GEN1: variants seen among roughly 807,000 people sequenced by gnomAD.
GEN1 encodes flap endonuclease GEN homolog 1.
Under a neutral mutation model 67.6 loss-of-function variants are expected in GEN1, and 64 were observed. The observed-to-expected ratio is 0.95, with a 90% CI of 0.77 to 1.17. The LOEUF is 1.17. Among genes scored for constraint, GEN1 ranks in the 50% most tolerant of loss-of-function variants. The pLI, the probability that GEN1 is intolerant of heterozygous loss-of-function variation, is 0.00. For missense variants in GEN1, 1,058 were observed against 1,048.3 expected, an observed-to-expected ratio of 1.01 and a Z score of -0.13; for synonymous variants, 371 against 359.4, an observed-to-expected ratio of 1.03 and a Z score of -0.37.
Position 17,774,324 on chromosome 2 carries a change from G to C in GEN1, c.1125G>C (p.Leu375Phe), listed in dbSNP as rs1484399978. The C allele has an allele frequency of 6.2e-7, 1 of 1,601,450 alleles. No homozygotes were observed. The highest frequency in any genetic ancestry group is 8.5e-7 in the Non-Finnish European group (1 of 1,170,442). The change falls in exon 11 of 14, where the codon TTG becomes TTC. Residue 375 changes from leucine (L) to phenylalanine (F), a missense_variant. By Grantham distance (22) the Leu-to-Phe change is conservative. Coordinates refer to ENST00000381254, the MANE Select transcript of GEN1 (RefSeq NM_001130009.3). ...CCAATCACTATGCATGTGAGAAATT[G>C]CTGGTACTTTTGACCCATTATGACA... ...EWPNHYACEK[L>F]LVLLTHYDMI...
At chr2:17,767,627 A>G (rs1172084236) in intron 5 of GEN1, among the ~76,000 whole-genome samples, 1 of 152,242 alleles carries the variant, frequency 6.6e-6, no homozygotes, top group Non-Finnish European at 1.5e-5. Context: ...AAATAAAATT[A>G]TATCATAATT....
chr2:17,779,004 A>G (rs1672690254), intron 12 of GEN1, among the ~76,000 whole-genome samples: 1 of 152,224 alleles, frequency 6.6e-6, no homozygotes, highest in African/African-American at 2.4e-5. Flanking sequence ...GCTTACAGCA[A>G]CCTCTGCCTC....
Position 17,774,167 on chromosome 2 carries a change from T to A in GEN1, c.1072-104T>A, listed in dbSNP as rs944045062. ...CTAGAATATTCTCATTGATACTACT[T>A]TAACTTACGTTAATTCTAAAGGAAA... On this transcript the variant is annotated intron_variant, in intron 10 of 13. Transcript: ENST00000381254. The A allele has an allele frequency of 2.1e-5, 11 of 519,096 alleles. No individual in the cohort carries two copies. The African/African-American group carries it at 2.2e-4, about 10-fold the overall frequency. The allele number at this position is 519,096 out of a possible 1,614,324, so 32.2% of individuals were successfully genotyped here.
At chr2:17,765,493 C>T (rs1006110338) in intron 4 of GEN1, among the ~76,000 whole-genome samples, 1 of 152,156 alleles carries the variant, frequency 6.6e-6, no homozygotes, top group Non-Finnish European at 1.5e-5. Context: ...TTGATAGGGA[C>T]ATGGTTAAAT....
chr2:17,762,429 G>T (rs1157251984), intron 3 of GEN1, among the ~76,000 whole-genome samples: 4 of 151,606 alleles, frequency 2.6e-5, no homozygotes, highest in Admixed American at 1.3e-4. Flanking sequence ...GAATGGTCTC[G>T]ATCTCCTGAC....
rs1309749779 is a variant in GEN1, at chr2:17,773,373, T to C, written c.1071+74T>C. On this transcript the variant is annotated intron_variant, in intron 10 of 13. Transcript: ENST00000381254. ...AGATAGGAACAGATATTCACTCTGA[T>C]TGGTCTTAGAGGAGGTTTAAAATTA... The C allele has an allele frequency of 3.6e-4, 329 of 919,332 alleles. 1 individual carries two copies. Among genetic ancestry groups the C allele is most frequent in the East Asian group, 5.1e-5 (2 of 38,894 alleles). 56.9% of individuals were successfully genotyped at this position (919,332 alleles called of 1,614,324 possible). A position where few individuals can be genotyped will look rare whatever the true frequency, so the allele number is the denominator to read the frequency against.
In GEN1 at chr2:17,781,029, T is replaced by C. The variant is rs745561350; in HGVS notation, c.1817T>C (p.Phe606Ser). 6.2e-7 allele frequency: 1 copy of C among 1,613,820 alleles called. No homozygotes were observed. Among genetic ancestry groups the C allele is most frequent in the Non-Finnish European group, 8.5e-7 (1 of 1,179,870 alleles). Residue 606 changes from phenylalanine to serine, a missense_variant, in exon 14 of 14, where the codon TTT (phenylalanine) becomes TCT (serine). Transcript: ENST00000381254. Reference protein sequence around the residue: ...SNSPAIQRNTFSHDLKSEVES... With the variant: ...SNSPAIQRNTSSHDLKSEVES... Reference sequence around the variant, plus strand: ...TCTCCAGCTATTCAAAGGAATACTTTTTCTCATGATTTAAAATCAGAAGTT... The same window carrying C: ...TCTCCAGCTATTCAAAGGAATACTTCTTCTCATGATTTAAAATCAGAAGTT...
intron 7 of GEN1, 79 bp downstream of exon 7, chr2:17,771,366 C>T: frequency 1.2e-6 from 1 of 841,508 alleles, no homozygotes; most frequent in South Asian, 1.4e-5. Flanking sequence ...TTTTACATGC[C>T]AATATTAATA....
Position 17,781,296 on chromosome 2 carries a change from T to G in GEN1, c.2084T>G (p.Leu695Arg). The G allele has an allele frequency of 6.2e-7, 1 of 1,613,790 alleles. No homozygotes were observed. Among genetic ancestry groups the G allele is most frequent in the Non-Finnish European group, 8.5e-7 (1 of 1,179,748 alleles). Residue 695 changes from leucine to arginine, a missense_variant, in exon 14 of 14, where the codon CTG (leucine) becomes CGG (arginine). Leu to Arg is a moderately radical substitution (Grantham distance 102). Transcript: ENST00000381254. ...PQDNLQPDVNLKTLSILSVKE... is the reference protein window; with the variant it reads ...PQDNLQPDVNRKTLSILSVKE... ...GATAATCTACAACCAGATGTCAACCTGAAAACTTTGTCCATACTTAGTGTA... is the reference window on the plus strand; with the variant it reads ...GATAATCTACAACCAGATGTCAACCGGAAAACTTTGTCCATACTTAGTGTA...
At chr2:17,778,170 A>ATGTG (rs1168968537) in intron 12 of GEN1, 107 bp downstream of exon 12, 1 of 476,394 alleles carries the variant, frequency 2.1e-6, no homozygotes, top group African/African-American at 2.4e-5. Context: ...ACACATAGAT[A>ATGTG]TGTGTATATA....
At chr2:17,774,995 T>C (rs1672361464) in intron 11 of GEN1, among the ~76,000 whole-genome samples, 2 of 152,022 alleles carry the variant, frequency 1.3e-5, no homozygotes, top group Non-Finnish European at 2.9e-5. Context: ...ACAGATAAAA[T>C]ATAAAAGAAT....
chr2:17,757,357 A>G (rs1004487640), intron 1 of GEN1, among the ~76,000 whole-genome samples: 2 of 152,054 alleles, frequency 1.3e-5, no homozygotes, highest in African/African-American at 4.8e-5. Flanking sequence ...TGCAGTTTAT[A>G]AAATCAAGAG....
At position 17,759,815 on chromosome 2, in the gene GEN1, TA is replaced by T; in HGVS notation, c.-15-112del. 3 of 821,290 alleles carry T rather than the reference TA, an allele frequency of 3.7e-6. No individual in the cohort carries two copies. In the South Asian group the frequency reaches 7.6e-5, roughly 21 times the overall value. The allele number at this position is 821,290 out of a possible 1,614,324, so 50.9% of individuals were successfully genotyped here. A position where few individuals can be genotyped will look rare whatever the true frequency, so the allele number is the denominator to read the frequency against. On this transcript the variant is annotated intron_variant, in intron 1 of 13. Coordinates refer to ENST00000381254, the MANE Select transcript of GEN1 (RefSeq NM_001130009.3). ...TTGAAACGCTGACTGATGAAAAAAATAAGGAATATCCTCTATGAATTATCCT... is the reference window on the plus strand; with the variant it reads ...TTGAAACGCTGACTGATGAAAAAAATAGGAATATCCTCTATGAATTATCCT...
chr2:17,777,013 T>G (rs1158392753), intron 11 of GEN1, among the ~76,000 whole-genome samples: 1 of 152,104 alleles, frequency 6.6e-6, no homozygotes, highest in Non-Finnish European at 1.5e-5. Context: ...GTAATCCCAT[T>G]TACTTGGGAT....
At chr2:17,761,948 T>C (rs1248118582) in intron 3 of GEN1, among the ~76,000 whole-genome samples, 1 of 152,156 alleles carries the variant, frequency 6.6e-6, no homozygotes, top group African/African-American at 2.4e-5. Flanking sequence ...CTTAAAGAAG[T>C]CCCAGAATAC....
chr2:17,777,664 A>G (rs958906826), intron 11 of GEN1, among the ~76,000 whole-genome samples: 15 of 152,204 alleles, frequency 9.9e-5, no homozygotes, highest in Non-Finnish European at 4.4e-5. Flanking sequence ...ATAATACTAC[A>G]CAGAGTTTGA....
intron 12 of GEN1, among the ~76,000 whole-genome samples, chr2:17,778,771 C>T (rs139835994): frequency 4.5e-4 from 65 of 144,346 alleles, no homozygotes; most frequent in African/African-American, 1.8e-3. Context: ...GGGTACACTT[C>T]CTTTCCTTTT....
At chr2:17,771,401 C>A in intron 7 of GEN1, 114 bp downstream of exon 7, 1 of 672,508 alleles carries the variant, frequency 1.5e-6, no homozygotes, top group Non-Finnish European at 2.6e-6. Context: ...TTTACATTGT[C>A]TTCTCCACTA....
Position 17,788,410 on chromosome 2 carries a change from T to C in GEN1, c.*6471T>C, listed in dbSNP as rs1673122944. 1 of 152,216 alleles carries C rather than the reference T, an allele frequency of 6.6e-6. No homozygotes were observed. The highest frequency in any genetic ancestry group is 6.5e-5 in the Admixed American group (1 of 15,284). 9.4% of individuals were successfully genotyped at this position (152,216 alleles called of 1,614,324 possible). A position where few individuals can be genotyped will look rare whatever the true frequency, so the allele number is the denominator to read the frequency against. On this transcript the variant is annotated 3_prime_UTR_variant, in exon 14 of 14. Coordinates refer to ENST00000381254, the MANE Select transcript of GEN1 (RefSeq NM_001130009.3). ...ATAGTTTAGTTAGCCCCAGGCCAGATAAATTCACTAAGTTGCCTGTTTGGC... is the reference window on the plus strand; with the variant it reads ...ATAGTTTAGTTAGCCCCAGGCCAGACAAATTCACTAAGTTGCCTGTTTGGC...
Sources: allele counts gnomAD v4.1 joint callset (sites outside exome capture counted in the v4.1 genomes callset), GRCh38; gene constraint gnomAD v4.1.1; transcripts MANE v1.5; gene names NCBI Gene and HGNC (gene_info 2026-07-23, HGNC 2026-07-21).